The following CEP112 variants were observed in gnomAD, a reference collection of about 807,000 sequenced individuals.
The protein encoded by CEP112 is centrosomal protein of 112 kDa.
In CEP112, 127 loss-of-function variants were observed where a neutral mutation model predicts 153.0. That is an observed-to-expected ratio of 0.83 (90% CI 0.72 to 0.96). The LOEUF (loss-of-function observed/expected upper bound fraction) is 0.96. Among genes scored for constraint, CEP112 ranks in the 40% least tolerant of loss-of-function variants. The pLI is 0.00. For missense variants in CEP112, 1,089 were observed against 1,101.2 expected (o/e 0.99, Z 0.16); for synonymous variants, 358 against 374.4 (o/e 0.96, Z 0.51).
At chr17:65,996,086 T>C (rs950244718) in intron 17 of CEP112, among the ~76,000 whole-genome samples, 1 of 151,946 alleles carries the variant, frequency 6.6e-6, no homozygotes, top group Non-Finnish European at 1.5e-5. Context: ...TTTTTCATCA[T>C]GGCGTGTTTT....
chr17:65,985,898 G>C (rs1318984591), intron 17 of CEP112, among the ~76,000 whole-genome samples: 2 of 150,712 alleles, frequency 1.3e-5, no homozygotes. Flanking sequence ...AAAGGTCAGT[G>C]TGCATTTAGA....
intron 25 of CEP112, among the ~76,000 whole-genome samples, chr17:65,640,754 AG>A: frequency 6.6e-6 from 1 of 152,348 alleles, no homozygotes; most frequent in East Asian, 1.9e-4. Context: ...TTCAATTTTA[AG>A]GGTGCTTTAA....
Position 65,688,961 on chromosome 17 carries a change from T to C in CEP112, c.2697+168A>G, listed in dbSNP as rs1341673811. The C allele has an allele frequency of 6.1e-6, 3 of 495,808 alleles. No homozygotes were observed. In the Admixed American group the frequency reaches 1.1e-4, roughly 18 times the overall value. 30.7% of individuals were successfully genotyped at this position (495,808 alleles called of 1,614,324 possible). On this transcript the variant is annotated intron_variant, in intron 24 of 26. Coordinates refer to ENST00000535342, the MANE Select transcript of CEP112 (RefSeq NM_001199165.4). ...TTTTGTATTTTTAGTAGAGACAGGG[T>C]TTCACCATGTTGGCCAGGCTAGTCT... is the stretch of plus-strand genomic sequence containing the variant.
chr17:65,967,838 C>T (rs534486940), intron 17 of CEP112, among the ~76,000 whole-genome samples: 1 of 151,812 alleles, frequency 6.6e-6, no homozygotes, highest in South Asian at 2.1e-4. Flanking sequence ...GCAAGTAATA[C>T]TTCTATGGTA....
At chr17:66,013,756 G>C (rs938128971) in intron 16 of CEP112, among the ~76,000 whole-genome samples, 14 of 152,202 alleles carry the variant, frequency 9.2e-5, no homozygotes, top group Admixed American at 5.9e-4. Flanking sequence ...TTGTTAGCTG[G>C]GGTGGGGCGC....
chr17:65,707,501 A>G (rs2048976035), intron 23 of CEP112, among the ~76,000 whole-genome samples: 1 of 152,152 alleles, frequency 6.6e-6, no homozygotes. Context: ...TTAGAATAAT[A>G]TCTAAGCTCC....
chr17:65,637,042 A>G (rs2044808776), intron 26 of CEP112, 82 bp downstream of exon 26: 1 of 1,060,966 alleles, frequency 9.4e-7, no homozygotes, highest in African/African-American at 1.6e-5. Context: ...CATTTTAATA[A>G]AGACAAAGGC....
chr17:65,998,245 T>G (rs2063864807), intron 17 of CEP112, among the ~76,000 whole-genome samples: 1 of 151,686 alleles, frequency 6.6e-6, no homozygotes, highest in Non-Finnish European at 1.5e-5. Context: ...TAGCTGAGCA[T>G]GGTGGCACAT....
chr17:65,920,408 TATAATATATAATATGCA>T (rs2060680506), intron 19 of CEP112, among the ~76,000 whole-genome samples: 2 of 107,936 alleles, frequency 1.9e-5, no homozygotes, highest in Non-Finnish European at 3.8e-5. Flanking sequence ...TATATATAAT[TATAATATATAATATGCA>T]TTATACATAT....
intron 19 of CEP112, among the ~76,000 whole-genome samples, chr17:65,908,188 A>G (rs1464848498): frequency 1.3e-5 from 2 of 152,300 alleles, no homozygotes; most frequent in South Asian, 2.1e-4. Flanking sequence ...TATGAGACAG[A>G]TAACAATACT....
intron 19 of CEP112, among the ~76,000 whole-genome samples, chr17:65,910,853 C>T (rs1391948072): frequency 6.6e-6 from 1 of 151,934 alleles, no homozygotes; most frequent in Non-Finnish European, 1.5e-5. Context: ...AGATAGATTC[C>T]AATTGAGGAA....
At chr17:65,799,075 C>G (rs1598617388) in intron 21 of CEP112, among the ~76,000 whole-genome samples, 1 of 152,260 alleles carries the variant, frequency 6.6e-6, no homozygotes, top group East Asian at 1.9e-4. Context: ...TTCCCTTCCA[C>G]TTGGTTTAAA....
chr17:66,067,837 T>C (rs146838710), intron 9 of CEP112, among the ~76,000 whole-genome samples: 74 of 152,254 alleles, frequency 4.9e-4, no homozygotes, highest in Non-Finnish European at 9.1e-4. Flanking sequence ...ACTTGCCAGG[T>C]TGGGAGAGTA....
rs1377680278 is a variant in CEP112 at position 65,743,289 on chromosome 17, T to G, written c.2458-72A>C. ...GCATCTATTTTATATGTATTGATGC[T>G]TAACAAAAGAATGGATTTGACAAAA... is the stretch of plus-strand genomic sequence containing the variant. On this transcript the variant is annotated intron_variant, in intron 22 of 26. Transcript: ENST00000535342. 2.2e-5 allele frequency: 26 copies of G among 1,190,784 alleles called. No homozygotes were observed. The East Asian group carries it at 3.9e-4, about 18-fold the overall frequency. The allele number at this position is 1,190,784 out of a possible 1,614,324, so 73.8% of individuals were successfully genotyped here. A position where few individuals can be genotyped will look rare whatever the true frequency, so the allele number is the denominator to read the frequency against.
chr17:65,729,936 CAAACA>C lies in CEP112; in HGVS notation c.2607+13127_2607+13131del, dbSNP rs1376308867. ...TCAAACAAACAAACAAACAAACAAA[CAAACA>C]AACAAACAGAAAAACCAATTAACCA... On this transcript the variant is annotated intron_variant, in intron 23 of 26. Transcript: ENST00000535342. Among the ~76,000 whole-genome samples, 3 of 151,602 alleles carry C rather than the reference CAAACA, an allele frequency of 2.0e-5. 1 individual carries two copies. The highest frequency in any genetic ancestry group is 1.3e-4 in the Admixed American group (2 of 15,236).
intron 2 of CEP112, chr17:66,182,445 T>C (rs778164002): frequency 2.6e-5 from 4 of 152,164 alleles, no homozygotes; most frequent in Non-Finnish European, 4.4e-5. Context: ...TCACTGAATA[T>C]AGAGTCTACT....
intron 23 of CEP112, among the ~76,000 whole-genome samples, chr17:65,718,599 G>GT (rs2049689063): frequency 1.3e-5 from 2 of 152,044 alleles, no homozygotes; most frequent in African/African-American, 4.8e-5. Context: ...GGAGGGTTTA[G>GT]TTTAGCTTTC....
At chr17:66,025,952 T>C (rs1017795067) in intron 16 of CEP112, among the ~76,000 whole-genome samples, 724 of 14,448 alleles carry the variant, frequency 0.05, 9 homozygotes, top group Non-Finnish European at 0.061. Context: ...CACACACATA[T>C]ATAGATATAT....
intron 20 of CEP112, among the ~76,000 whole-genome samples, chr17:65,884,130 T>C (rs2059186792): frequency 6.6e-6 from 1 of 152,038 alleles, no homozygotes; most frequent in African/African-American, 2.4e-5. Flanking sequence ...GAAATGCAGG[T>C]AATCACTTAA....
Sources: gnomAD v4.1 joint callset for allele counts (sites outside exome capture counted in the v4.1 genomes callset) on GRCh38, gnomAD v4.1.1 for gene constraint, MANE v1.5 for transcripts, NCBI Gene and HGNC (gene_info 2026-07-23, HGNC 2026-07-21) for gene names.